CDH10: variants seen among roughly 807,000 people sequenced by gnomAD.
CDH10 encodes the protein cadherin 10, also known as cadherin-10.
In CDH10, 30 loss-of-function variants were observed where a neutral mutation model predicts 73.1. That is an observed-to-expected ratio of 0.41 (90% confidence interval 0.31 to 0.56). The LOEUF is 0.56. Ranked by LOEUF, CDH10 falls within the 20% of genes least tolerant of loss-of-function variation. CDH10 has a pLI of 0.27. For missense variants in CDH10, 815 were observed against 973.7 expected (o/e 0.84, Z 2.17); for synonymous variants, 345 against 348.2 (o/e 0.99, Z 0.10).
chr5:24,503,723 C>G (rs944650721), intron 8 of CDH10, among the ~76,000 whole-genome samples: 1 of 152,088 alleles, frequency 6.6e-6, no homozygotes, highest in African/African-American at 2.4e-5. Context: ...TAACTTTGGA[C>G]AAGTTACTAA....
chr5:24,583,836 G>A (rs1457401874), intron 2 of CDH10, among the ~76,000 whole-genome samples: 1 of 152,066 alleles, frequency 6.6e-6, no homozygotes, highest in African/African-American at 2.4e-5. Flanking sequence ...GTAGAGATGG[G>A]GTTTCCTCAT....
intron 2 of CDH10, among the ~76,000 whole-genome samples, chr5:24,575,104 G>C (rs912952463): frequency 6.6e-6 from 1 of 151,972 alleles, no homozygotes; most frequent in Non-Finnish European, 1.5e-5. Context: ...GCTCATGCCT[G>C]TAATCCCACC....
chr5:24,489,061 A>C (rs2111620060), intron 11 of CDH10, among the ~76,000 whole-genome samples: 1 of 152,168 alleles, frequency 6.6e-6, no homozygotes, highest in South Asian at 2.1e-4. Context: ...TTATTCCCAA[A>C]CATTTTGATC....
At chr5:24,503,499 C>T (rs1382228801) in intron 8 of CDH10, among the ~76,000 whole-genome samples, 8 of 152,210 alleles carry the variant, frequency 5.3e-5, no homozygotes, top group Non-Finnish European at 1.2e-4. Flanking sequence ...TCTCACATTT[C>T]TTAATTTACT....
At chr5:24,501,957 C>T (rs552623677) in intron 8 of CDH10, among the ~76,000 whole-genome samples, 1 of 151,662 alleles carries the variant, frequency 6.6e-6, no homozygotes, top group East Asian at 1.9e-4. Context: ...CTCACTCTGT[C>T]GCCCTGGCTG....
At chr5:24,493,554 A>T (rs2111654571) in intron 9 of CDH10, among the ~76,000 whole-genome samples, 1 of 152,014 alleles carries the variant, frequency 6.6e-6, no homozygotes, top group East Asian at 1.9e-4. Context: ...TAGACAATTT[A>T]GCCCCTAATA....
At chr5:24,615,180 A>C (rs1410511618) in intron 1 of CDH10, among the ~76,000 whole-genome samples, 1 of 152,066 alleles carries the variant, frequency 6.6e-6, no homozygotes, top group Non-Finnish European at 1.5e-5. Flanking sequence ...GCCTCCATTC[A>C]TTTTTACCAA....
intron 1 of CDH10, chr5:24,609,695 T>C (rs1364990422): frequency 1.5e-5 from 2 of 134,032 alleles, no homozygotes; most frequent in Non-Finnish European, 3.1e-5. Flanking sequence ...GGAGATTGTG[T>C]GTCCACCAGT....
chr5:24,609,577 G>A lies in CDH10; in HGVS notation c.-123-15964C>T, dbSNP rs367619307. 2.2e-4 allele frequency among the ~76,000 whole-genome samples: 34 copies of A among 152,264 alleles called. No individual in the cohort carries two copies. The East Asian group carries it at 6.4e-3, about 29-fold the overall frequency. On this transcript the variant is annotated intron_variant, in intron 1 of 11. Transcript: ENST00000264463. ...TTAAGACAACCACACTGCATCAGATGCCAGCACAACTCTGAAAGTGTCTAT... is the reference window on the plus strand; with the variant it reads ...TTAAGACAACCACACTGCATCAGATACCAGCACAACTCTGAAAGTGTCTAT...
intron 2 of CDH10, among the ~76,000 whole-genome samples, chr5:24,587,843 C>G (rs1233147691): frequency 6.6e-6 from 1 of 152,008 alleles, no homozygotes; most frequent in Non-Finnish European, 1.5e-5. Flanking sequence ...GAATACTTTG[C>G]TAAAATGATA....
chr5:24,596,803 T>A (rs1224304995), intron 1 of CDH10, among the ~76,000 whole-genome samples: 1 of 151,988 alleles, frequency 6.6e-6, no homozygotes, highest in Admixed American at 6.6e-5. Context: ...TACAGATGTA[T>A]CAGTATATGT....
chr5:24,623,982 T>G lies in CDH10; in HGVS notation c.-124+20612A>C, dbSNP rs556003750. ...CTAAGAAATACATTCCTGTAACATTTCTATACTATCAAAGCATAACAGCAG... is the reference window on the plus strand; with the variant it reads ...CTAAGAAATACATTCCTGTAACATTGCTATACTATCAAAGCATAACAGCAG... On this transcript the variant is annotated intron_variant, in intron 1 of 11. Coordinates refer to ENST00000264463, the MANE Select transcript of CDH10 (RefSeq NM_006727.5). Among the ~76,000 whole-genome samples the G allele has an allele frequency of 1.3e-4, 20 of 152,268 alleles. 1 individual carries two copies. In the South Asian group the frequency reaches 2.7e-3, roughly 21 times the overall value.
intron 1 of CDH10, among the ~76,000 whole-genome samples, chr5:24,641,441 A>G (rs1352129317): frequency 6.6e-6 from 1 of 152,066 alleles, no homozygotes; most frequent in Admixed American, 6.6e-5. Flanking sequence ...TTTCAACTAG[A>G]AAGGAAAAAG....
At chr5:24,566,471 A>G (rs1431157782) in intron 2 of CDH10, among the ~76,000 whole-genome samples, 1 of 152,202 alleles carries the variant, frequency 6.6e-6, no homozygotes, top group South Asian at 2.1e-4. Context: ...TTGAAGCTAC[A>G]GTAATTAAGA....
chr5:24,543,149 GA>G (rs1336702511), intron 2 of CDH10, among the ~76,000 whole-genome samples: 4 of 151,852 alleles, frequency 2.6e-5, no homozygotes, highest in East Asian at 1.9e-4. Flanking sequence ...GAAAAATAAA[GA>G]AAAAAAGTTG....
At chr5:24,591,816 T>C (rs1746209768) in intron 2 of CDH10, among the ~76,000 whole-genome samples, 1 of 151,960 alleles carries the variant, frequency 6.6e-6, no homozygotes, top group South Asian at 2.1e-4. Context: ...TATGAGAGTA[T>C]ATAATGTAAT....
intron 2 of CDH10, among the ~76,000 whole-genome samples, chr5:24,566,066 T>C (rs1028934554): frequency 6.6e-6 from 1 of 152,136 alleles, no homozygotes; most frequent in Non-Finnish European, 1.5e-5. Context: ...GTTTTGTTTT[T>C]GAGACAGAGT....
chr5:24,535,640 C>A, intron 4 of CDH10, 63 bp downstream of exon 4: 1 of 1,469,704 alleles, frequency 6.8e-7, no homozygotes, highest in South Asian at 1.2e-5. Flanking sequence ...CTCCCATGGT[C>A]TTTCTACTGA....
chr5:24,515,343 G>A (rs10060748), intron 5 of CDH10, among the ~76,000 whole-genome samples: 69,341 of 151,900 alleles, frequency 0.46, 16,103 homozygotes, highest in East Asian at 0.58. Context: ...CCAGTCTTAT[G>A]CAAAGTGTTC....
Sources: allele counts gnomAD v4.1 joint callset (sites outside exome capture counted in the v4.1 genomes callset), GRCh38; gene constraint gnomAD v4.1.1; transcripts MANE v1.5; gene names NCBI Gene and HGNC (gene_info 2026-07-23, HGNC 2026-07-21).